Variants in PIKFYVE observed in about 807,000 individuals in gnomAD.
PIKFYVE encodes the protein phosphoinositide kinase, FYVE-type zinc finger containing.
Under a neutral mutation model 257.9 loss-of-function variants are expected in PIKFYVE, and 122 were observed. That is an observed-to-expected ratio of 0.47 (90% CI 0.41 to 0.55). The LOEUF is 0.55. Ranked by LOEUF, PIKFYVE falls within the 20% of genes least tolerant of loss-of-function variation. The pLI is 0.00. For synonymous variants in PIKFYVE, 892 were observed against 868.9 expected, an observed-to-expected ratio of 1.03 and a Z score of -0.47; for missense variants, 2,160 against 2,536.6, an observed-to-expected ratio of 0.85 and a Z score of 3.19.
chr2:208,344,059 C>T (rs1698991272), intron 32 of PIKFYVE, among the ~76,000 whole-genome samples: 1 of 152,010 alleles, frequency 6.6e-6, no homozygotes, highest in Non-Finnish European at 1.5e-5. Flanking sequence ...ACCTCGTGAT[C>T]CACCCGCCTC....
intron 7 of PIKFYVE, among the ~76,000 whole-genome samples, chr2:208,294,000 A>G (rs754563645): frequency 1.9e-4 from 29 of 152,090 alleles, no homozygotes; most frequent in Non-Finnish European, 4.0e-4. Context: ...TATGGCTTCA[A>G]ATATTGCTTG....
chr2:208,268,505 G>T (rs907157130), intron 1 of PIKFYVE, among the ~76,000 whole-genome samples: 1 of 145,182 alleles, frequency 6.9e-6, no homozygotes, highest in Non-Finnish European at 1.5e-5. Flanking sequence ...GGAACTCCTG[G>T]CCTCAAGCGA....
At chr2:208,305,188 T>G in intron 12 of PIKFYVE, 175 bp downstream of exon 12, 1 of 1,507,048 alleles carries the variant, frequency 6.6e-7, no homozygotes, top group East Asian at 2.5e-5. Context: ...CCTTTTTTGG[T>G]TGATTCCTTT....
chr2:208,308,955 A>G (rs1016297828), intron 12 of PIKFYVE, among the ~76,000 whole-genome samples: 1 of 152,056 alleles, frequency 6.6e-6, no homozygotes, highest in Admixed American at 6.6e-5. Flanking sequence ...CAGTCCGCCA[A>G]CCTAGGCCTC....
rs1482140916 is a variant in PIKFYVE, at chr2:208,320,240, C to CAA, written c.2083-11_2083-10insAA. ...CCTTTAAACACTTTAACAAACTGTT[C>CAA]ATTTTTTGTAGATGAGTTCTTGTAT... On this transcript the variant is annotated splice_polypyrimidine_tract_variant and intron_variant, in intron 16 of 41. Transcript: ENST00000264380. The CAA allele has an allele frequency of 6.2e-7, 1 of 1,609,356 alleles. No homozygotes were observed. The highest frequency in any genetic ancestry group is 1.1e-5 in the South Asian group (1 of 90,442).
chr2:208,304,782 T>C (rs1453735204), intron 11 of PIKFYVE, 64 bp from the exon 12 acceptor site: 1 of 1,522,788 alleles, frequency 6.6e-7, no homozygotes, highest in African/African-American at 1.4e-5. Context: ...TCCAATACCC[T>C]GATAAAACCC....
chr2:208,317,135 G>T (rs6435442), intron 15 of PIKFYVE, among the ~76,000 whole-genome samples: 137,221 of 147,594 alleles, frequency 0.93, 64,322 homozygotes, highest in Non-Finnish European at 0.98. Flanking sequence ...TGACAAATGG[G>T]ATCTAATTAA....
intron 30 of PIKFYVE, 62 bp from the exon 31 acceptor site, chr2:208,339,949 G>C: frequency 1.9e-6 from 3 of 1,560,286 alleles, no homozygotes; most frequent in East Asian, 4.6e-5. Context: ...ACCAAAGTCA[G>C]CAGTTTATAC....
At chr2:208,273,458 GA>G (rs976888728) in intron 2 of PIKFYVE, 125 bp from the exon 3 acceptor site, 697 of 1,076,552 alleles carry the variant, frequency 6.5e-4, no homozygotes, top group Middle Eastern at 8.9e-4. Context: ...AATGAAAAAG[GA>G]AAAAAAAAAT....
intron 12 of PIKFYVE, among the ~76,000 whole-genome samples, chr2:208,310,849 A>G (rs1338726261): frequency 6.6e-6 from 1 of 152,206 alleles, no homozygotes; most frequent in African/African-American, 2.4e-5. Flanking sequence ...TGTGGATTAA[A>G]AACATTTTGG....
intron 13 of PIKFYVE, among the ~76,000 whole-genome samples, chr2:208,313,710 G>A (rs566996126): frequency 1.2e-4 from 18 of 151,194 alleles, no homozygotes; most frequent in Admixed American, 4.6e-4. Flanking sequence ...AGCCTCCCTT[G>A]TAGCTGGGAT....
chr2:208,346,177 A>G, intron 34 of PIKFYVE, 30 bp downstream of exon 34: 1 of 1,525,078 alleles, frequency 6.6e-7, no homozygotes, highest in Middle Eastern at 1.7e-4. Context: ...AATATTTATA[A>G]TTAGATTTAC....
chr2:208,277,663 C>G lies in PIKFYVE; in HGVS notation c.568C>G (p.Arg190Gly), dbSNP rs772716038. Residue 190 changes from arginine to glycine, a missense_variant, in exon 5 of 42, where the codon CGT (arginine) becomes GGT (glycine). Arg to Gly is a moderately radical substitution (Grantham distance 125). Transcript: ENST00000264380. ...ACTATGTGGGCAGATTTTCTGCAGT[C>G]GTTGCTGTAATCAAGAAATCCCTGG... ...CRLCGQIFCS[R>G]CCNQEIPGKF... is the part of the protein sequence containing the mutation. 1.2e-6 allele frequency: 2 copies of G among 1,613,712 alleles called. No homozygotes were observed. The highest frequency in any genetic ancestry group is 2.7e-5 in the African/African-American group (2 of 74,886).
intron 24 of PIKFYVE, 86 bp from the exon 25 acceptor site, chr2:208,335,220 G>C (rs1226880193): frequency 1.1e-6 from 1 of 897,172 alleles, no homozygotes. Flanking sequence ...ATGCCTCATA[G>C]AATATAGTTG....
Position 208,314,339 on chromosome 2 carries a change from C to T in PIKFYVE, c.1742C>T (p.Pro581Leu), listed in dbSNP as rs769362437. 3.1e-6 allele frequency: 5 copies of T among 1,613,856 alleles called. No individual in the cohort carries two copies. The highest frequency in any genetic ancestry group is 4.2e-6 in the Non-Finnish European group (5 of 1,179,832). ...GTAGAGGAAAAATCCAAAGAGCTGC[C>T]TTTCACACCTTTGGGCTGGCATCAT... ...RRVEEKSKEL[P>L]FTPLGWHHNN... The change falls in exon 14 of 42, where the codon CCT becomes CTT. Residue 581 changes from proline (P) to leucine (L), a missense_variant. Physicochemically the swap from Pro to Leu is moderately conservative, Grantham distance 98. This residue lies in a region of PIKFYVE where 346 missense variants were observed against 365.6 expected (regional missense o/e 0.95). Transcript: ENST00000264380.
Position 208,325,377 on chromosome 2 carries a change from C to T in PIKFYVE, c.2566C>T (p.Leu856=). The change falls in exon 20 of 42, where the codon CTA becomes TTA. Residue 856 remains leucine (L), a synonymous_variant. Transcript: ENST00000264380. The part of the protein sequence containing the change: ...DYELARVKEI[L]IFMICVAYHS... ...TGAGCTGGCTCGAGTTAAGGAGATC[C>T]TAATATTTATGATCTGTGTTGCTTA... 1 of 1,613,806 alleles carries T rather than the reference C, an allele frequency of 6.2e-7. No homozygotes were observed. The highest frequency in any genetic ancestry group is 2.2e-5 in the East Asian group (1 of 44,876).
chr2:208,304,729 G>T, intron 11 of PIKFYVE, 117 bp from the exon 12 acceptor site: 2 of 941,780 alleles, frequency 2.1e-6, no homozygotes, highest in Non-Finnish European at 1.7e-6. Flanking sequence ...TTTTGGTATT[G>T]CACATTGGGC....
chr2:208,342,794 C>A, intron 32 of PIKFYVE, 145 bp downstream of exon 32: 2 of 379,018 alleles, frequency 5.3e-6, no homozygotes, highest in African/African-American at 2.4e-5. Context: ...ATAGCTTGTT[C>A]TTTTTTTTTT....
At chr2:208,311,480 A>G (rs58027184) in intron 12 of PIKFYVE, among the ~76,000 whole-genome samples, 7 of 152,174 alleles carry the variant, frequency 4.6e-5, no homozygotes, top group Non-Finnish European at 8.8e-5. Flanking sequence ...AGGAGTTTAC[A>G]TGCATCATGT....
Sources: allele counts gnomAD v4.1 joint callset (sites outside exome capture counted in the v4.1 genomes callset), GRCh38; gene constraint gnomAD v4.1.1; regional missense constraint gnomAD v4.1.1; transcripts MANE v1.5; gene names NCBI Gene and HGNC (gene_info 2026-07-23, HGNC 2026-07-21).